Variants in NR3C2 observed in about 807,000 individuals in gnomAD.
NR3C2 encodes the protein nuclear receptor subfamily 3 group C member 2.
A neutral mutation model predicts 86.4 loss-of-function variants in NR3C2; 15 were observed. The ratio of observed to expected loss-of-function variants is 0.17; its 90% CI spans 0.12 to 0.27. NR3C2 has a LOEUF of 0.27. Ranked by LOEUF, NR3C2 falls within the 10% of genes least tolerant of loss-of-function variation. The pLI, the probability that NR3C2 is intolerant of heterozygous loss-of-function variation, is 1.00. For synonymous variants in NR3C2, 458 were observed against 450.5 expected (o/e 1.02, Z -0.21); for missense variants, 960 against 1,195.6 (o/e 0.80, Z 2.91).
chr4:148,328,528 A>T (rs1744071615), intron 2 of NR3C2, among the ~76,000 whole-genome samples: 1 of 152,182 alleles, frequency 6.6e-6, no homozygotes, highest in Non-Finnish European at 1.5e-5. Flanking sequence ...TCAGGTTGGC[A>T]TAAAAGGAAT....
chr4:148,444,019 G>C, upstream of NR3C2: 4 of 985,368 alleles, frequency 4.1e-6, no homozygotes, highest in Non-Finnish European at 4.8e-6. Flanking sequence ...CCGCAGCCAG[G>C]AGTCCCCGCC....
chr4:148,166,208 C>A (rs1734870817), intron 4 of NR3C2, among the ~76,000 whole-genome samples: 1 of 152,208 alleles, frequency 6.6e-6, no homozygotes, highest in Non-Finnish European at 1.5e-5. Flanking sequence ...AACAAAATCG[C>A]CTTTTTTGAA....
At position 148,365,318 on chromosome 4, in the gene NR3C2, A is replaced by C. The variant is rs533383090; in HGVS notation, c.1757+69786T>G. On this transcript the variant is annotated intron_variant, in intron 2 of 8. Transcript: ENST00000358102. ...TGTGAAATTTTCCACTTGTGACATTATATCAGGGCTTAAAAAGTCTTGCAT... is the reference window on the plus strand; with the variant it reads ...TGTGAAATTTTCCACTTGTGACATTCTATCAGGGCTTAAAAAGTCTTGCAT... Among the ~76,000 whole-genome samples the C allele has an allele frequency of 4.6e-5, 7 of 152,256 alleles. No homozygotes were observed. The East Asian group carries it at 1.4e-3, about 29-fold the overall frequency.
intron 3 of NR3C2, among the ~76,000 whole-genome samples, chr4:148,198,056 G>A: frequency 6.6e-6 from 1 of 151,972 alleles, no homozygotes; most frequent in East Asian, 1.9e-4. Flanking sequence ...GTAGCAAGAT[G>A]CTCAGGTCAG....
chr4:148,194,156 G>A (rs1450051287), intron 4 of NR3C2, among the ~76,000 whole-genome samples: 2 of 152,006 alleles, frequency 1.3e-5, no homozygotes, highest in Admixed American at 1.3e-4. Context: ...ATAATCAATT[G>A]GTATTTTTCT....
intron 3 of NR3C2, among the ~76,000 whole-genome samples, chr4:148,230,116 A>G (rs1240563017): frequency 6.6e-6 from 1 of 152,206 alleles, no homozygotes; most frequent in Non-Finnish European, 1.5e-5. Flanking sequence ...CATAAGCTCT[A>G]GTACTAGAAA....
chr4:148,089,884 C>T (rs1730983377), intron 8 of NR3C2, among the ~76,000 whole-genome samples: 1 of 152,212 alleles, frequency 6.6e-6, no homozygotes, highest in Non-Finnish European at 1.5e-5. Context: ...GCCCTGGAGT[C>T]CCTCCATGTG....
intron 5 of NR3C2, among the ~76,000 whole-genome samples, chr4:148,153,546 C>G (rs1734204613): frequency 6.6e-6 from 1 of 152,206 alleles, no homozygotes; most frequent in Non-Finnish European, 1.5e-5. Flanking sequence ...TGGAGTTTCA[C>G]TGGGCAAGCT....
intron 3 of NR3C2, among the ~76,000 whole-genome samples, chr4:148,219,698 T>C (rs956460889): frequency 1.3e-5 from 2 of 152,078 alleles, no homozygotes; most frequent in Non-Finnish European, 2.9e-5. Context: ...AGAATCCAGA[T>C]GTCTTCTATT....
chr4:148,358,013 T>C (rs1005369521), intron 2 of NR3C2, among the ~76,000 whole-genome samples: 2 of 152,190 alleles, frequency 1.3e-5, no homozygotes, highest in African/African-American at 4.8e-5. Context: ...TAACGCAAGG[T>C]AAATCCCTTA....
intron 3 of NR3C2, among the ~76,000 whole-genome samples, chr4:148,233,579 C>G (rs1344358085): frequency 6.6e-6 from 1 of 152,024 alleles, no homozygotes; most frequent in Non-Finnish European, 1.5e-5. Flanking sequence ...AGGCTGGTCT[C>G]AAACTCCTGG....
chr4:148,212,285 G>A (rs1469347467), intron 3 of NR3C2, among the ~76,000 whole-genome samples: 1 of 152,236 alleles, frequency 6.6e-6, no homozygotes, highest in Non-Finnish European at 1.5e-5. Flanking sequence ...ATATTTGCAT[G>A]TCATTTCTTC....
chr4:148,311,393 C>CA (rs1422830966), intron 2 of NR3C2, among the ~76,000 whole-genome samples: 1 of 152,206 alleles, frequency 6.6e-6, no homozygotes, highest in Non-Finnish European at 1.5e-5. Context: ...GGGTTAATGA[C>CA]AACTGCATTC....
intron 4 of NR3C2, among the ~76,000 whole-genome samples, chr4:148,184,443 A>T (rs527910095): frequency 6.6e-6 from 1 of 151,446 alleles, no homozygotes; most frequent in Non-Finnish European, 1.5e-5. Context: ...CAAGAGCAAG[A>T]CTCTGTCTCA....
intron 2 of NR3C2, among the ~76,000 whole-genome samples, chr4:148,389,041 T>C (rs989024667): frequency 8.5e-5 from 13 of 152,236 alleles, no homozygotes; most frequent in Admixed American, 5.9e-4. Context: ...AGACACATGT[T>C]ATACCTCAAT....
chr4:148,420,922 C>T (rs1302510391), intron 2 of NR3C2, among the ~76,000 whole-genome samples: 3 of 152,148 alleles, frequency 2.0e-5, no homozygotes, highest in East Asian at 1.9e-4. Context: ...CCTCAGAAGC[C>T]GAGCAGATGC....
rs3910060 is a variant in NR3C2 at position 148,296,280 on chromosome 4, T to A, written c.1758-36163A>T. ...TCTGTGCTCCAGCATCACTTAAGGA[T>A]GGTACCACATTTCTGGGAATTGACC... On this transcript the variant is annotated intron_variant, in intron 2 of 8. Coordinates refer to ENST00000358102, the MANE Select transcript of NR3C2 (RefSeq NM_000901.5). 5.0e-3 allele frequency among the ~76,000 whole-genome samples: 768 copies of A among 152,194 alleles called. 8 individuals are homozygous for A. Among genetic ancestry groups the A allele is most frequent in the African/African-American group, 0.018 (744 of 41,542 alleles).
chr4:148,422,283 A>G (rs1052454294), intron 2 of NR3C2, among the ~76,000 whole-genome samples: 1 of 152,078 alleles, frequency 6.6e-6, no homozygotes, highest in Non-Finnish European at 1.5e-5. Flanking sequence ...ATACTTAACC[A>G]GATTGGGTAT....
chr4:148,435,463 A>G lies in NR3C2; in HGVS notation c.1398T>C (p.Tyr466=), dbSNP rs5524. 4.7e-4 allele frequency: 763 copies of G among 1,614,232 alleles called. 1 individual carries two copies. Among genetic ancestry groups the G allele is most frequent in the Non-Finnish European group, 6.1e-4 (717 of 1,180,040 alleles). ...GTCCTAAAATTCCTGATAGGGAATA[A>G]TAGTCTTTATCATCCATAAAGGAAA... is the stretch of plus-strand genomic sequence containing the variant. The part of the protein sequence containing the change: ...SYFSFMDDKD[Y]YSLSGILGPP... Residue 466 remains tyrosine (Y), a synonymous_variant, in exon 2 of 9, where the codon TAT becomes TAC. Coordinates refer to ENST00000358102, the MANE Select transcript of NR3C2 (RefSeq NM_000901.5).
Sources: gnomAD v4.1 joint callset for allele counts (sites outside exome capture counted in the v4.1 genomes callset) on GRCh38, gnomAD v4.1.1 for gene constraint, MANE v1.5 for transcripts, NCBI Gene and HGNC (gene_info 2026-07-23, HGNC 2026-07-21) for gene names.